The following DCC variants were observed in gnomAD, a reference collection of about 807,000 sequenced individuals.
DCC encodes the protein netrin receptor DCC.
DCC carries 58 observed loss-of-function variants against 172.5 expected under a neutral mutation model. The observed-to-expected ratio is 0.34, with a 90% CI of 0.27 to 0.42. The LOEUF is 0.42. DCC is among the 10% of genes least tolerant of loss of function. The probability of loss-of-function intolerance (pLI) is 1.00; values close to 1 mark genes in which losing one functional copy is unlikely to be tolerated. For synonymous variants in DCC, 709 were observed against 644.5 expected, an observed-to-expected ratio of 1.10 and a Z score of -1.52; for missense variants, 1,740 against 1,791.0, an observed-to-expected ratio of 0.97 and a Z score of 0.51.
At chr18:53,310,009 TA>T (rs2057247942) in intron 13 of DCC, among the ~76,000 whole-genome samples, 1 of 146,416 alleles carries the variant, frequency 6.8e-6, no homozygotes, top group African/African-American at 2.5e-5. Flanking sequence ...ACTAAAGCAA[TA>T]AAAAGAGTTA....
intron 1 of DCC, among the ~76,000 whole-genome samples, chr18:52,725,390 G>A (rs1490695374): frequency 1.3e-5 from 2 of 152,220 alleles, no homozygotes; most frequent in African/African-American, 2.4e-5. Flanking sequence ...TCAAGTTCTT[G>A]CAAGAATGTC....
chr18:52,892,381 G>A (rs898297583), intron 2 of DCC: 6 of 152,110 alleles, frequency 3.9e-5, no homozygotes, highest in African/African-American at 1.4e-4. Flanking sequence ...CTTCCCAGGT[G>A]TGTCCTTTCC....
chr18:53,161,276 T>C (rs1185725449), intron 8 of DCC, among the ~76,000 whole-genome samples: 1 of 152,230 alleles, frequency 6.6e-6, no homozygotes, highest in African/African-American at 2.4e-5. Context: ...AGTAGTCAAT[T>C]CCTGGTCTTC....
intron 1 of DCC, among the ~76,000 whole-genome samples, chr18:52,737,053 T>A (rs1171439809): frequency 6.6e-6 from 1 of 152,236 alleles, no homozygotes; most frequent in Non-Finnish European, 1.5e-5. Context: ...GTCTCTATCA[T>A]TCAAGGGGAC....
intron 27 of DCC, among the ~76,000 whole-genome samples, chr18:53,526,081 G>GAATT (rs144826904): frequency 0.013 from 2,000 of 152,116 alleles, 25 homozygotes; most frequent in Middle Eastern, 0.027. Context: ...AAAAAAACCA[G>GAATT]AATTACATCT....
At chr18:52,637,527 A>G (rs954762891) in intron 1 of DCC, among the ~76,000 whole-genome samples, 3 of 152,214 alleles carry the variant, frequency 2.0e-5, no homozygotes, top group African/African-American at 4.8e-5. Context: ...ATGCTCTGGA[A>G]AGTCTCAGCA....
chr18:52,940,526 G>C (rs544433798), intron 5 of DCC, among the ~76,000 whole-genome samples: 1 of 152,274 alleles, frequency 6.6e-6, no homozygotes, highest in South Asian at 2.1e-4. Context: ...CTGGAGGATG[G>C]GCCATTATGA....
intron 13 of DCC, among the ~76,000 whole-genome samples, chr18:53,309,600 G>T (rs965991752): frequency 6.6e-6 from 1 of 152,028 alleles, no homozygotes; most frequent in Non-Finnish European, 1.5e-5. Flanking sequence ...AAATAATTCA[G>T]TTCTACATTT....
intron 7 of DCC, among the ~76,000 whole-genome samples, chr18:53,091,679 C>G (rs576100335): frequency 6.6e-6 from 1 of 151,894 alleles, no homozygotes; most frequent in East Asian, 1.9e-4. Flanking sequence ...TTTATAAGGG[C>G]TCCATCTTCA....
At chr18:53,289,155 CA>C (rs55987816) in intron 12 of DCC, among the ~76,000 whole-genome samples, 136,563 of 151,844 alleles carry the variant, frequency 0.9, 61,512 homozygotes, top group Admixed American at 0.93. Context: ...ATCTGCATGA[CA>C]AAAAAAAAGA....
At chr18:52,778,626 G>A (rs188941202) in intron 2 of DCC, among the ~76,000 whole-genome samples, 203 of 152,106 alleles carry the variant, frequency 1.3e-3, no homozygotes, top group African/African-American at 4.5e-3. Context: ...CACAAAGCTC[G>A]CAGATTTTGA....
chr18:53,421,854 C>G (rs1599130845), intron 21 of DCC, among the ~76,000 whole-genome samples: 1 of 152,200 alleles, frequency 6.6e-6, no homozygotes, highest in Admixed American at 6.5e-5. Context: ...AGTGAAGCAT[C>G]TCACATTTAT....
At chr18:52,648,627 C>T (rs981419507) in intron 1 of DCC, among the ~76,000 whole-genome samples, 4 of 152,298 alleles carry the variant, frequency 2.6e-5, no homozygotes, top group East Asian at 3.9e-4. Context: ...TCATCACAAG[C>T]GTCTTTTCAC....
intron 1 of DCC, among the ~76,000 whole-genome samples, chr18:52,452,074 A>G (rs2144518689): frequency 6.6e-6 from 1 of 152,270 alleles, no homozygotes; most frequent in Non-Finnish European, 1.5e-5. Context: ...AGAGGGAGTG[A>G]GTGGCTTTGG....
At chr18:53,190,196 G>T (rs2055345484) in intron 9 of DCC, among the ~76,000 whole-genome samples, 1 of 152,148 alleles carries the variant, frequency 6.6e-6, no homozygotes, top group Admixed American at 6.5e-5. Flanking sequence ...AAAGTGCTGG[G>T]ATTACAGGCA....
At chr18:53,159,878 GA>G (rs2054807453) in intron 8 of DCC, among the ~76,000 whole-genome samples, 1 of 152,148 alleles carries the variant, frequency 6.6e-6, no homozygotes, top group South Asian at 2.1e-4. Flanking sequence ...GCATTGCTAT[GA>G]GGACTGAGGG....
chr18:53,099,177 C>A (rs1287172738), intron 7 of DCC, among the ~76,000 whole-genome samples: 2 of 152,048 alleles, frequency 1.3e-5, no homozygotes, highest in East Asian at 3.9e-4. Flanking sequence ...AGTTTCAACT[C>A]CTATAGTTCC....
intron 1 of DCC, among the ~76,000 whole-genome samples, chr18:52,471,902 C>A (rs1988957299): frequency 6.6e-6 from 1 of 152,148 alleles, no homozygotes; most frequent in African/African-American, 2.4e-5. Flanking sequence ...ATGTGAAGGG[C>A]AGAAAACTGA....
At chr18:52,651,659 A>C (rs72929112) in intron 1 of DCC, among the ~76,000 whole-genome samples, 11 of 152,158 alleles carry the variant, frequency 7.2e-5, no homozygotes, top group Admixed American at 7.2e-4. Flanking sequence ...GCAAGTTTAA[A>C]CAAAGTGAGT....
Sources: allele counts gnomAD v4.1 joint callset (sites outside exome capture counted in the v4.1 genomes callset), GRCh38; gene constraint gnomAD v4.1.1; transcripts MANE v1.5; gene names NCBI Gene and HGNC (gene_info 2026-07-23, HGNC 2026-07-21).